Variants in RBM12B observed in about 807,000 individuals in gnomAD.
RBM12B encodes RNA-binding protein 12B.
A neutral mutation model predicts 34.3 loss-of-function variants in RBM12B; 10 were observed. The observed-to-expected ratio is 0.29, with a 90% CI of 0.18 to 0.49. The LOEUF is 0.49. Among genes scored for constraint, RBM12B ranks in the 20% least tolerant of loss-of-function variants. The pLI, the probability that RBM12B is intolerant of heterozygous loss-of-function variation, is 0.99. For missense variants in RBM12B, 1,139 were observed against 1,262.7 expected (o/e 0.90, Z 1.48); for synonymous variants, 477 against 437.1 (o/e 1.09, Z -1.14).
Position 93,735,409 on chromosome 8 carries a change from CAG to C in RBM12B, c.1000_1001del (p.Leu334GlufsTer4). ...AACTCAGAGCGGTATTATAGTCTTT[CAG>C]AGTCTTGAACATCACAAAGGCATAT... ...TRYAFVMFKTLKDYNTALSLH... is the reference protein window; with the variant it reads ...TRYAFVMFKTXKDYNTALSLH... On this transcript the variant is annotated frameshift_variant, in exon 4 of 4. Coordinates refer to ENST00000520560, the MANE Select transcript of RBM12B (RefSeq NM_001377960.1). LOFTEE classifies it low-confidence loss of function (END_TRUNC). 1.2e-6 allele frequency: 2 copies of C among 1,613,490 alleles called. No individual in the cohort carries two copies. The highest frequency in any genetic ancestry group is 8.5e-7 in the Non-Finnish European group (1 of 1,179,682).
chr8:93,734,431 C>T lies in RBM12B; in HGVS notation c.1980G>A (p.Arg660=), dbSNP rs1226140601. 4.3e-6 allele frequency: 7 copies of T among 1,613,358 alleles called. No individual in the cohort carries two copies. Among genetic ancestry groups the T allele is most frequent in the Non-Finnish European group, 5.1e-6 (6 of 1,179,792 alleles). Residue 660 remains arginine, a synonymous_variant, in exon 4 of 4, where the codon AGG becomes AGA. Coordinates refer to ENST00000520560, the MANE Select transcript of RBM12B (RefSeq NM_001377960.1). ...DFRQPPEEDL[R]WLPEEDFRRP... Reference sequence around the variant, plus strand: ...GCCTGAAATCTTCCTCTGGGAGCCACCTTAAGTCCTCCTCAGGGGGTTGCC... The same window carrying T: ...GCCTGAAATCTTCCTCTGGGAGCCATCTTAAGTCCTCCTCAGGGGGTTGCC...
Position 93,728,259 on chromosome 8 carries a change from G to A in RBM12B, c.*5146C>T, listed in dbSNP as rs768537800. On this transcript the variant is annotated 3_prime_UTR_variant, in exon 4 of 4. Coordinates refer to ENST00000520560, the MANE Select transcript of RBM12B (RefSeq NM_001377960.1). ...ACAAGCAGAAGATGATGAGGATGAC[G>A]AGTTAGATGTTACAGAAGAAGAAAA... The A allele has an allele frequency of 3.8e-6, 6 of 1,596,760 alleles. No individual in the cohort carries two copies. The highest frequency in any genetic ancestry group is 2.3e-5 in the East Asian group (1 of 43,874).
chr8:93,730,175 C>T lies in RBM12B; in HGVS notation c.*3230G>A, dbSNP rs1586305521. On this transcript the variant is annotated 3_prime_UTR_variant, in exon 4 of 4. Coordinates refer to ENST00000520560, the MANE Select transcript of RBM12B (RefSeq NM_001377960.1). ...AGAATTAAATGATAGTTAATTCATA[C>T]ATAATTATACATCATATAGTATCTA... 1 of 152,178 alleles carries T rather than the reference C, an allele frequency of 6.6e-6. No homozygotes were observed. Among genetic ancestry groups the T allele is most frequent in the Non-Finnish European group, 1.5e-5 (1 of 68,036 alleles). The allele number at this position is 152,178 out of a possible 1,614,324, so 9.4% of individuals were successfully genotyped here.
Position 93,733,209 on chromosome 8 carries a change from G to T in RBM12B, c.*196C>A. 1 of 318,812 alleles carries T rather than the reference G, an allele frequency of 3.1e-6. No homozygotes were observed. Among genetic ancestry groups the T allele is most frequent in the Non-Finnish European group, 5.4e-6 (1 of 185,820 alleles). The allele number at this position is 318,812 out of a possible 1,614,324, so 19.7% of individuals were successfully genotyped here. A position where few individuals can be genotyped will look rare whatever the true frequency, so the allele number is the denominator to read the frequency against. ...AAACAGCATGTGTAATTTTAAATTT[G>T]AAAAAAAAAAAGAATGGCAATTTGC... On this transcript the variant is annotated 3_prime_UTR_variant, in exon 4 of 4. Coordinates refer to ENST00000520560, the MANE Select transcript of RBM12B (RefSeq NM_001377960.1).
chr8:93,738,062 T>C (rs1354210296), intron 2 of RBM12B, among the ~76,000 whole-genome samples: 1 of 152,192 alleles, frequency 6.6e-6, no homozygotes, highest in Non-Finnish European at 1.5e-5. Flanking sequence ...AAGGTCTATA[T>C]AAACAGCTCA....
intron 2 of RBM12B, among the ~76,000 whole-genome samples, chr8:93,739,760 G>A (rs1812135126): frequency 6.6e-6 from 1 of 152,168 alleles, no homozygotes; most frequent in Admixed American, 6.5e-5. Flanking sequence ...AAATTTCTAT[G>A]AAAAGAAGAG....
Position 93,728,577 on chromosome 8 carries a change from A to G in RBM12B, c.*4828T>C, listed in dbSNP as rs1220056999. On this transcript the variant is annotated 3_prime_UTR_variant, in exon 4 of 4. Coordinates refer to ENST00000520560, the MANE Select transcript of RBM12B (RefSeq NM_001377960.1). ...TATTTCATATTAATGTACTATATCT[A>G]CTTGAAGTTCCAATAGTACATTATG... 4.4e-6 allele frequency: 1 copy of G among 226,246 alleles called. No homozygotes were observed. The highest frequency in any genetic ancestry group is 2.3e-5 in the African/African-American group (1 of 43,614). The allele number at this position is 226,246 out of a possible 1,614,324, so 14.0% of individuals were successfully genotyped here.
rs1367388597 is a variant in RBM12B, at chr8:93,730,797, A to G, written c.*2608T>C. Reference sequence around the variant, plus strand: ...TTCTGTAATCAACTTTTTATAATGAAGTTTAAAAATATTAAGCCCTGATAC... The same window carrying G: ...TTCTGTAATCAACTTTTTATAATGAGGTTTAAAAATATTAAGCCCTGATAC... On this transcript the variant is annotated 3_prime_UTR_variant, in exon 4 of 4. Coordinates refer to ENST00000520560, the MANE Select transcript of RBM12B (RefSeq NM_001377960.1). 6.6e-6 allele frequency: 1 copy of G among 152,196 alleles called. No homozygotes were observed. Among genetic ancestry groups the G allele is most frequent in the South Asian group, 2.1e-4 (1 of 4,832 alleles). 9.4% of individuals were successfully genotyped at this position (152,196 alleles called of 1,614,324 possible). A position where few individuals can be genotyped will look rare whatever the true frequency, so the allele number is the denominator to read the frequency against.
Position 93,728,396 on chromosome 8 carries a change from G to A in RBM12B, c.*5009C>T. On this transcript the variant is annotated 3_prime_UTR_variant, in exon 4 of 4. Coordinates refer to ENST00000520560, the MANE Select transcript of RBM12B (RefSeq NM_001377960.1). ...TTGCTATGTTAAGCCTCAAAGTGAAGTCCAACTGGAAACAGAAAAATAATT... is the reference window on the plus strand; with the variant it reads ...TTGCTATGTTAAGCCTCAAAGTGAAATCCAACTGGAAACAGAAAAATAATT... The A allele has an allele frequency of 2.8e-6, 2 of 719,806 alleles. No individual in the cohort carries two copies. The highest frequency in any genetic ancestry group is 4.3e-6 in the Non-Finnish European group (2 of 459,848). 44.6% of individuals were successfully genotyped at this position (719,806 alleles called of 1,614,324 possible).
chr8:93,739,360 GT>G (rs1342399811), intron 2 of RBM12B, among the ~76,000 whole-genome samples: 1 of 152,166 alleles, frequency 6.6e-6, no homozygotes, highest in Non-Finnish European at 1.5e-5. Flanking sequence ...TAACCAAGTA[GT>G]TTCATGAGCA....
rs533626649 is a variant in RBM12B at position 93,734,145 on chromosome 8, G to A, written c.2266C>T (p.Arg756Trp). The change falls in exon 4 of 4, where the codon CGG becomes TGG. Residue 756 changes from arginine (R) to tryptophan (W), a missense_variant. Coordinates refer to ENST00000520560, the MANE Select transcript of RBM12B (RefSeq NM_001377960.1). ...HFRRPPPEHF[R>W]RPPPEHFRRP... ...CTGAAGTGCTCTGGGGGTGGCCGCC[G>A]GAAGTGCTCTGGGGGAGGCCGCCTA... 6.4e-6 allele frequency: 10 copies of A among 1,555,654 alleles called. No individual in the cohort carries two copies. Among genetic ancestry groups the A allele is most frequent in the African/African-American group, 4.2e-5 (3 of 72,084 alleles).
rs1811670653 is a variant in RBM12B at position 93,728,833 on chromosome 8, T to C, written c.*4572A>G. On this transcript the variant is annotated 3_prime_UTR_variant, in exon 4 of 4. Coordinates refer to ENST00000520560, the MANE Select transcript of RBM12B (RefSeq NM_001377960.1). The stretch of plus-strand genomic sequence containing the variant: ...GTAAAGATAATGTGACACTAAGTTA[T>C]CAATGTTTTATGAATACACATAAGG... The C allele has an allele frequency of 6.6e-6, 1 of 152,112 alleles. No homozygotes were observed. Among genetic ancestry groups the C allele is most frequent in the Non-Finnish European group, 1.5e-5 (1 of 67,962 alleles). 9.4% of individuals were successfully genotyped at this position (152,112 alleles called of 1,614,324 possible).
At position 93,734,192 on chromosome 8, in the gene RBM12B, C is replaced by T. The variant is rs372170893; in HGVS notation, c.2219G>A (p.Arg740Gln). The T allele has an allele frequency of 3.2e-5, 51 of 1,583,022 alleles. No homozygotes were observed. Among genetic ancestry groups the T allele is most frequent in the Middle Eastern group, 1.8e-4 (1 of 5,638 alleles). The change falls in exon 4 of 4, where the codon CGG (arginine) becomes CAG (glutamine). Residue 740 changes from arginine to glutamine, a missense_variant. Coordinates refer to ENST00000520560, the MANE Select transcript of RBM12B (RefSeq NM_001377960.1). ...CCTAAAATGCTCTGGAGGTGGTCTC[C>T]GGAAATGCTCTGGGGGTGGCCGACG... ...HFRRPPPEHF[R>Q]RPPPEHFRRP...
chr8:93,736,160 T>G lies in RBM12B; in HGVS notation c.251A>C (p.Glu84Ala). 6.2e-7 allele frequency: 1 copy of G among 1,614,242 alleles called. No individual in the cohort carries two copies. Among genetic ancestry groups the G allele is most frequent in the Non-Finnish European group, 8.5e-7 (1 of 1,180,044 alleles). Residue 84 changes from glutamate (E) to alanine (A), a missense_variant, in exon 4 of 4, where the codon GAA becomes GCA. Around this residue, in one of 3 missense-constraint regions of RBM12B, gnomAD observed 216 missense variants for 292.2 expected, o/e 0.74. Transcript: ENST00000520560. The stretch of plus-strand genomic sequence containing the variant: ...TCCTACACGATCAGTTCTTTTCATT[T>G]CTATAGTCTTCTGCATTTCTGCCTT... Reference protein sequence around the residue: ...SSKAEMQKTIEMKRTDRVGRG... With the variant: ...SSKAEMQKTIAMKRTDRVGRG...
Position 93,731,534 on chromosome 8 carries a change from A to G in RBM12B, c.*1871T>C, listed in dbSNP as rs773473795. 1.3e-5 allele frequency: 2 copies of G among 152,220 alleles called. No individual in the cohort carries two copies. The highest frequency in any genetic ancestry group is 2.9e-5 in the Non-Finnish European group (2 of 68,028). 9.4% of individuals were successfully genotyped at this position (152,220 alleles called of 1,614,324 possible). A position where few individuals can be genotyped will look rare whatever the true frequency, so the allele number is the denominator to read the frequency against. ...TCAAATTTACCTGTTTATTCATTCC[A>G]TAGCAAGCAGGATATTCACTATTTA... On this transcript the variant is annotated 3_prime_UTR_variant, in exon 4 of 4. Coordinates refer to ENST00000520560, the MANE Select transcript of RBM12B (RefSeq NM_001377960.1).
Position 93,733,878 on chromosome 8 carries a change from G to C in RBM12B, c.2533C>G (p.Gln845Glu). 6.2e-7 allele frequency: 1 copy of C among 1,613,750 alleles called. No homozygotes were observed. Among genetic ancestry groups the C allele is most frequent in the Non-Finnish European group, 8.5e-7 (1 of 1,179,914 alleles). The stretch of plus-strand genomic sequence containing the variant: ...TCCCTAAGGTCTTCCTCTGGGAGCT[G>C]CCTGAAGTCCTCATCAGAAGGGCAT... ...FRCPSDEDFRQLPEEDLREAP... is the reference protein window; with the variant it reads ...FRCPSDEDFRELPEEDLREAP... The change falls in exon 4 of 4, where the codon CAG becomes GAG. Residue 845 changes from glutamine (Q) to glutamate (E), a missense_variant. This residue lies in a region of RBM12B where 863 missense variants were observed against 869.5 expected (regional missense o/e 0.99). Coordinates refer to ENST00000520560, the MANE Select transcript of RBM12B (RefSeq NM_001377960.1).
At chr8:93,740,060 A>G (rs1308147392) in intron 2 of RBM12B, 2 of 295,278 alleles carry the variant, frequency 6.8e-6, no homozygotes, top group Non-Finnish European at 1.3e-5. Flanking sequence ...TACTTCGTAA[A>G]GCCCAAGGTC....
rs986859105 is a variant in RBM12B at position 93,739,502 on chromosome 8, C to T, written c.-78+1127G>A. ...GGGTAATGTACCATTTATGCCTCTA[C>T]AATAACACACCTTGGAGACCAACTG... On this transcript the variant is annotated intron_variant, in intron 2 of 3. Transcript: ENST00000520560. Among the ~76,000 whole-genome samples the T allele has an allele frequency of 7.2e-5, 11 of 152,168 alleles. 1 individual carries two copies. Among genetic ancestry groups the T allele is most frequent in the Non-Finnish European group, 2.9e-5 (2 of 68,030 alleles).
chr8:93,730,978 CAGTG>C lies in RBM12B; in HGVS notation c.*2423_*2426del, dbSNP rs1208236225. On this transcript the variant is annotated 3_prime_UTR_variant, in exon 4 of 4. Coordinates refer to ENST00000520560, the MANE Select transcript of RBM12B (RefSeq NM_001377960.1). ...AAATTTGAGAACAGCCTGGGCAACA[CAGTG>C]AGACTCTGTCTCTACAAATAATAAA... The C allele has an allele frequency of 2.0e-5, 3 of 152,138 alleles. No homozygotes were observed. The highest frequency in any genetic ancestry group is 7.2e-5 in the African/African-American group (3 of 41,396). 9.4% of individuals were successfully genotyped at this position (152,138 alleles called of 1,614,324 possible).
Sources: allele counts gnomAD v4.1 joint callset (sites outside exome capture counted in the v4.1 genomes callset), GRCh38; gene constraint gnomAD v4.1.1; regional missense constraint gnomAD v4.1.1; transcripts MANE v1.5; gene names NCBI Gene and HGNC (gene_info 2026-07-23, HGNC 2026-07-21).